MSN: variants seen among roughly 807,000 people sequenced by gnomAD.
The protein encoded by MSN is moesin, also known as epididymis luminal protein 70.
Under a neutral mutation model 48.0 loss-of-function variants are expected in MSN, and 2 were observed. The observed-to-expected ratio is 0.04, with a 90% CI of 0.02 to 0.13. The LOEUF is 0.13. Ranked by LOEUF, MSN falls within the 10% of genes least tolerant of loss-of-function variation. The probability of loss-of-function intolerance (pLI) is 1.00; values close to 1 mark genes in which losing one functional copy is unlikely to be tolerated. For synonymous variants in MSN, 146 were observed against 166.9 expected, an observed-to-expected ratio of 0.87 and a Z score of 0.97; for missense variants, 267 against 470.1, an observed-to-expected ratio of 0.57 and a Z score of 3.99.
At chrX:65,646,230 A>G (rs1252018630) in intron 1 of MSN, among the ~76,000 whole-genome samples, 1 of 111,598 alleles carries the variant, frequency 9.0e-6, no homozygotes, top group Non-Finnish European at 1.9e-5. Flanking sequence ...TCTGTACTCT[A>G]TTGTTAATAA....
At chrX:65,685,329 G>A (rs779761849) in intron 1 of MSN, among the ~76,000 whole-genome samples, 15 of 111,564 alleles carry the variant, frequency 1.3e-4, no homozygotes, top group Non-Finnish European at 2.5e-4. Flanking sequence ...TCCCCTTCCT[G>A]TTTTGTGGTT....
intron 1 of MSN, among the ~76,000 whole-genome samples, chrX:65,613,524 T>C (rs1439510518): frequency 1.8e-5 from 2 of 113,344 alleles, no homozygotes; most frequent in Non-Finnish European, 3.7e-5. Context: ...CTCCACATCC[T>C]CTACAGCATC....
At position 65,741,176 on chromosome X, in the gene MSN, A is replaced by T. The variant is rs2071732421; in HGVS notation, c.*1283A>T. On this transcript the variant is annotated 3_prime_UTR_variant, in exon 13 of 13. Coordinates refer to ENST00000360270, the MANE Select transcript of MSN (RefSeq NM_002444.3). ...TGTCCCTTGGAGCTGTAAACCAGAG[A>T]GCTGCTGGGGATTCTGGCCTAGTCC... 5.9e-6 allele frequency: 1 copy of T among 169,303 alleles called. No individual in the cohort carries two copies. The highest frequency in any genetic ancestry group is 3.0e-5 in the African/African-American group (1 of 33,504). 14.0% of individuals were successfully genotyped at this position (169,303 alleles called of 1,213,427 possible).
At chrX:65,665,982 C>T (rs2070864795), upstream of MSN, among the ~76,000 whole-genome samples, 1 of 111,593 alleles carries the variant, frequency 9.0e-6, no homozygotes. Flanking sequence ...GGACTATGGC[C>T]AGCCACTTTC....
intron 1 of MSN, among the ~76,000 whole-genome samples, chrX:65,670,896 T>TTATATATA (rs57076717): frequency 7.1e-5 from 1 of 14,049 alleles, no homozygotes; most frequent in Non-Finnish European, 1.2e-4. Context: ...ATGATGACAG[T>TTATATATA]TATATATATA....
intron 1 of MSN, among the ~76,000 whole-genome samples, chrX:65,639,525 T>C (rs1230687878): frequency 8.9e-6 from 1 of 112,092 alleles, no homozygotes; most frequent in African/African-American, 3.2e-5. Flanking sequence ...ATTGGAGGTT[T>C]GCTGTCTGCC....
chrX:65,657,519 G>C (rs1229419231), intron 1 of MSN, among the ~76,000 whole-genome samples: 1 of 111,544 alleles, frequency 9.0e-6, no homozygotes, highest in Non-Finnish European at 1.9e-5. Flanking sequence ...ATTCCAAGAG[G>C]ATAGTGACTT....
At chrX:65,732,077 A>T (rs1286895859) in intron 6 of MSN, 93 bp downstream of exon 6, 1 of 969,273 alleles carries the variant, frequency 1.0e-6, no homozygotes, top group Non-Finnish European at 1.4e-6. Flanking sequence ...CTTGGGTCCC[A>T]TCTCAGTTCT....
chrX:65,656,881 A>AG (rs2070785673), intron 1 of MSN, among the ~76,000 whole-genome samples: 2 of 111,020 alleles, frequency 1.8e-5, no homozygotes, highest in Admixed American at 9.6e-5. Flanking sequence ...GGAGGAAGAG[A>AG]GGGCTGGGAA....
intron 1 of MSN, among the ~76,000 whole-genome samples, chrX:65,605,617 G>T (rs1267206358): frequency 8.9e-6 from 1 of 111,764 alleles, no homozygotes; most frequent in African/African-American, 3.3e-5. Context: ...CAAATTTTTT[G>T]CTATAGCCCA....
chrX:65,711,032 G>A, intron 1 of MSN, among the ~76,000 whole-genome samples: 1 of 104,894 alleles, frequency 9.5e-6, no homozygotes, highest in South Asian at 4.5e-4. Context: ...CTACAGGCGT[G>A]CACCACCATG....
intron 1 of MSN, among the ~76,000 whole-genome samples, chrX:65,611,276 C>T (rs1245207616): frequency 9.1e-6 from 1 of 109,420 alleles, no homozygotes; most frequent in African/African-American, 3.3e-5. Flanking sequence ...TCTCCTGCCT[C>T]AGCCTCCCAA....
chrX:65,729,259 TG>T (rs1227057401), intron 3 of MSN, among the ~76,000 whole-genome samples, 178 bp from the exon 4 acceptor site: 1 of 111,826 alleles, frequency 8.9e-6, no homozygotes, highest in African/African-American at 3.3e-5. Context: ...ATTACAGACA[TG>T]GGATTCAGTC....
intron 1 of MSN, among the ~76,000 whole-genome samples, chrX:65,607,517 A>G (rs754208031): frequency 9.0e-6 from 1 of 111,630 alleles, no homozygotes; most frequent in East Asian, 2.8e-4. Context: ...ACCCAAAGGC[A>G]CATTTAGCAG....
chrX:65,737,149 A>G lies in MSN; in HGVS notation c.1091-29A>G, dbSNP rs756930659. 2.3e-5 allele frequency: 27 copies of G among 1,190,748 alleles called. No individual in the cohort carries two copies. In the Admixed American group the frequency reaches 6.0e-4, roughly 27 times the overall value. ...TGTCGTCTTTATCTCTGTGCTCTTC[A>G]CTGCCTTCTCCCCTCCTTTTCTGCT... On this transcript the variant is annotated intron_variant, in intron 9 of 12. Coordinates refer to ENST00000360270, the MANE Select transcript of MSN (RefSeq NM_002444.3).
chrX:65,710,675 A>AG (rs2071404555), intron 1 of MSN, among the ~76,000 whole-genome samples: 1 of 111,618 alleles, frequency 9.0e-6, no homozygotes, highest in Non-Finnish European at 1.9e-5. Flanking sequence ...CCTTTTTTTA[A>AG]GGTTTCTTAA....
At chrX:65,695,045 T>TA (rs1210402303) in intron 1 of MSN, among the ~76,000 whole-genome samples, 1 of 111,411 alleles carries the variant, frequency 9.0e-6, no homozygotes, top group Non-Finnish European at 1.9e-5. Context: ...GTTATGCTGG[T>TA]AGCTTTCACT....
At chrX:65,664,488 G>C (rs1329672365), upstream of MSN, among the ~76,000 whole-genome samples, 1 of 111,874 alleles carries the variant, frequency 8.9e-6, no homozygotes, top group Non-Finnish European at 1.9e-5. Flanking sequence ...TATTGCCAGA[G>C]CTTCTTAACT....
At position 65,716,826 on chromosome X, in the gene MSN, G is replaced by A. The variant is rs755775876; in HGVS notation, c.21G>A (p.Val7=). The A allele has an allele frequency of 1.7e-6, 2 of 1,210,022 alleles. No individual in the cohort carries two copies. Among genetic ancestry groups the A allele is most frequent in the Non-Finnish European group, 2.2e-6 (2 of 894,654 alleles). MPKTIS[V]RVTTMDAELE... ...CTTTGATCTCATCCTAGATCAGTGT[G>A]CGTGTGACCACCATGGATGCAGAGC... Residue 7 remains valine, a synonymous_variant, in exon 2 of 13, where the codon GTG becomes GTA. Transcript: ENST00000360270.
Sources: allele counts gnomAD v4.1 joint callset (sites outside exome capture counted in the v4.1 genomes callset), GRCh38; gene constraint gnomAD v4.1.1; transcripts MANE v1.5; gene names NCBI Gene and HGNC (gene_info 2026-07-23, HGNC 2026-07-21).